The following PRKG1 variants were observed in gnomAD, a reference collection of about 807,000 sequenced individuals.
PRKG1 encodes cGMP-dependent protein kinase 1.
A neutral mutation model predicts 88.1 loss-of-function variants in PRKG1; 35 were observed. That is an observed-to-expected ratio of 0.40 (90% confidence interval 0.30 to 0.53). The LOEUF (loss-of-function observed/expected upper bound fraction) is 0.53. Ranked by LOEUF, PRKG1 falls within the 20% of genes least tolerant of loss-of-function variation. The pLI, the probability that PRKG1 is intolerant of heterozygous loss-of-function variation, is 0.59. For synonymous variants in PRKG1, 303 were observed against 292.5 expected, an observed-to-expected ratio of 1.04 and a Z score of -0.37; for missense variants, 540 against 839.8, an observed-to-expected ratio of 0.64 and a Z score of 4.41.
intron 4 of PRKG1, among the ~76,000 whole-genome samples, chr10:51,863,739 C>G (rs576921727): frequency 2.6e-5 from 4 of 152,120 alleles, no homozygotes; most frequent in African/African-American, 9.7e-5. Flanking sequence ...TTCTCAACCT[C>G]CAGAATTGTA....
At position 52,284,138 on chromosome 10, in the gene PRKG1, A is replaced by G. The variant is rs1252102698; in HGVS notation, c.1709+1822A>G. Among the ~76,000 whole-genome samples, 15 of 151,988 alleles carry G rather than the reference A, an allele frequency of 9.9e-5. 1 individual carries two copies. Among genetic ancestry groups the G allele is most frequent in the Admixed American group, 9.9e-4 (15 of 15,228 alleles). ...ACAGGTTACAATATCTGACTGGAAT[A>G]TAATAAAACTTGGAATTAATAACAA... is the stretch of plus-strand genomic sequence containing the variant. On this transcript the variant is annotated intron_variant, in intron 14 of 17. Transcript: ENST00000373980.
intron 2 of PRKG1, among the ~76,000 whole-genome samples, chr10:51,194,917 G>A (rs1837723930): frequency 6.6e-6 from 1 of 152,114 alleles, no homozygotes; most frequent in African/African-American, 2.4e-5. Flanking sequence ...CCAGATAATG[G>A]TATTAATCCA....
At chr10:51,311,517 T>A (rs1033630957) in intron 2 of PRKG1, among the ~76,000 whole-genome samples, 1 of 152,202 alleles carries the variant, frequency 6.6e-6, no homozygotes, top group African/African-American at 2.4e-5. Context: ...TTGATTGACA[T>A]TTGTGTATAA....
At chr10:51,884,313 C>T (rs1201942471) in intron 4 of PRKG1, among the ~76,000 whole-genome samples, 1 of 148,342 alleles carries the variant, frequency 6.7e-6, no homozygotes, top group African/African-American at 2.5e-5. Context: ...GGCGTGGTGG[C>T]GCGCGCCTGT....
intron 7 of PRKG1, among the ~76,000 whole-genome samples, chr10:52,121,692 C>T (rs1396720568): frequency 1.3e-5 from 2 of 152,200 alleles, no homozygotes; most frequent in African/African-American, 4.8e-5. Flanking sequence ...GTTTCCAATA[C>T]CTTATTCGTC....
At chr10:51,066,211 C>T (rs181266085) in intron 1 of PRKG1, among the ~76,000 whole-genome samples, 355 of 152,178 alleles carry the variant, frequency 2.3e-3, no homozygotes, top group Admixed American at 5.1e-3. Flanking sequence ...AATGCTCTAC[C>T]TTATTTTGAT....
chr10:52,145,734 A>T (rs1441638118), intron 8 of PRKG1, among the ~76,000 whole-genome samples: 1 of 152,186 alleles, frequency 6.6e-6, no homozygotes. Flanking sequence ...CTGGTGAGAC[A>T]GTTATTACAG....
At chr10:51,378,034 T>C (rs1241960409) in intron 2 of PRKG1, among the ~76,000 whole-genome samples, 1 of 152,248 alleles carries the variant, frequency 6.6e-6, no homozygotes, top group East Asian at 1.9e-4. Flanking sequence ...GCACAGTACA[T>C]TTCTTACCAG....
chr10:51,956,128 T>A (rs1037318143), intron 5 of PRKG1, among the ~76,000 whole-genome samples: 20 of 152,148 alleles, frequency 1.3e-4, no homozygotes, highest in Non-Finnish European at 2.8e-4. Context: ...ATATCACAAA[T>A]GAACTACAGT....
intron 7 of PRKG1, among the ~76,000 whole-genome samples, chr10:52,077,016 A>G (rs1452099890): frequency 6.6e-6 from 1 of 152,030 alleles, no homozygotes; most frequent in Admixed American, 6.6e-5. Context: ...TTTAAAACTT[A>G]AACATATTAC....
At chr10:51,808,459 C>T (rs1839365086) in intron 4 of PRKG1, among the ~76,000 whole-genome samples, 1 of 151,952 alleles carries the variant, frequency 6.6e-6, no homozygotes, top group South Asian at 2.1e-4. Flanking sequence ...GAAAAATTAC[C>T]AGGTGCAGTG....
intron 9 of PRKG1, among the ~76,000 whole-genome samples, chr10:52,180,163 A>G (rs771718674): frequency 4.6e-5 from 7 of 152,134 alleles, no homozygotes; most frequent in Non-Finnish European, 8.8e-5. Flanking sequence ...GCTGTCTCCA[A>G]GATCAGAAAT....
At chr10:51,418,893 A>G (rs991247406) in intron 2 of PRKG1, among the ~76,000 whole-genome samples, 5 of 152,190 alleles carry the variant, frequency 3.3e-5, no homozygotes, top group Admixed American at 6.5e-5. Flanking sequence ...CCATGCATAC[A>G]TTATGGGAAA....
In PRKG1 at chr10:51,932,002, G is replaced by A. The variant is rs113554477; in HGVS notation, c.762+24432G>A. On this transcript the variant is annotated intron_variant, in intron 5 of 17. Transcript: ENST00000373980. ...CTGGTGTTATTTTCAGTTTTTCTCTGTAGAAAGCAATTTTCTCTGCTGACT... is the reference window on the plus strand; with the variant it reads ...CTGGTGTTATTTTCAGTTTTTCTCTATAGAAAGCAATTTTCTCTGCTGACT... 1.2e-3 allele frequency among the ~76,000 whole-genome samples: 181 copies of A among 152,176 alleles called. 1 individual carries two copies. The highest frequency in any genetic ancestry group is 4.2e-3 in the African/African-American group (175 of 41,536).
intron 1 of PRKG1, among the ~76,000 whole-genome samples, chr10:51,006,935 G>T: frequency 9.5e-6 from 1 of 105,176 alleles, no homozygotes; most frequent in South Asian, 3.2e-4. Context: ...AAGGGCCTGA[G>T]ATTTTTTTTT....
chr10:51,660,135 A>AT (rs1840261027), intron 3 of PRKG1, among the ~76,000 whole-genome samples: 2 of 151,704 alleles, frequency 1.3e-5, no homozygotes, highest in African/African-American at 4.8e-5. Flanking sequence ...GGAATTAAAA[A>AT]AAAAAAAAAA....
intron 2 of PRKG1, among the ~76,000 whole-genome samples, chr10:51,417,645 C>T (rs1000481042): frequency 7.2e-5 from 11 of 152,092 alleles, no homozygotes; most frequent in African/African-American, 1.7e-4. Context: ...CATTATTAAA[C>T]GTGAGTTAAT....
chr10:52,133,421 C>T (rs2132634470), intron 7 of PRKG1, among the ~76,000 whole-genome samples: 1 of 152,170 alleles, frequency 6.6e-6, no homozygotes, highest in African/African-American at 2.4e-5. Context: ...ATCAATTGTT[C>T]TCAAGGATAT....
At chr10:51,783,150 T>A (rs1838639024) in intron 3 of PRKG1, among the ~76,000 whole-genome samples, 1 of 152,172 alleles carries the variant, frequency 6.6e-6, no homozygotes, top group Non-Finnish European at 1.5e-5. Context: ...TCCTTCAGGT[T>A]TTGAATATGT....
Sources: allele counts gnomAD v4.1 joint callset (sites outside exome capture counted in the v4.1 genomes callset), GRCh38; gene constraint gnomAD v4.1.1; transcripts MANE v1.5; gene names NCBI Gene and HGNC (gene_info 2026-07-23, HGNC 2026-07-21).